UNC13C: variants seen among roughly 807,000 people sequenced by gnomAD.
The protein encoded by UNC13C is unc-13 homolog C.
A neutral mutation model predicts 245.4 loss-of-function variants in UNC13C; 174 were observed. The ratio of observed to expected loss-of-function variants is 0.71; its 90% CI spans 0.63 to 0.80. The LOEUF is 0.80. Among genes scored for constraint, UNC13C ranks in the 30% least tolerant of loss-of-function variants. UNC13C has a pLI of 0.00. For synonymous variants in UNC13C, 992 were observed against 895.1 expected (o/e 1.11, Z -1.93); for missense variants, 2,829 against 2,602.9 (o/e 1.09, Z -1.89).
chr15:54,212,619 C>T (rs1299894425), intron 4 of UNC13C, among the ~76,000 whole-genome samples: 7 of 152,056 alleles, frequency 4.6e-5, no homozygotes, highest in South Asian at 4.1e-4. Flanking sequence ...TATCCCAAAT[C>T]TACATAGTTT....
At chr15:54,226,336 T>C (rs1342199888) in intron 4 of UNC13C, among the ~76,000 whole-genome samples, 1 of 152,166 alleles carries the variant, frequency 6.6e-6, no homozygotes, top group African/African-American at 2.4e-5. Context: ...TAGGGATGAG[T>C]CCATCCTTTT....
At chr15:54,003,664 A>G (rs1895001957) in intron 1 of UNC13C, among the ~76,000 whole-genome samples, 1 of 152,212 alleles carries the variant, frequency 6.6e-6, no homozygotes, top group Non-Finnish European at 1.5e-5. Flanking sequence ...TATCCTTAGT[A>G]TTACAAACAA....
At chr15:54,461,457 C>A (rs1053184323) in intron 19 of UNC13C, among the ~76,000 whole-genome samples, 1 of 152,056 alleles carries the variant, frequency 6.6e-6, no homozygotes, top group Non-Finnish European at 1.5e-5. Flanking sequence ...TTTCTTTTAG[C>A]TTAAATGTCA....
intron 19 of UNC13C, among the ~76,000 whole-genome samples, chr15:54,462,673 G>A (rs1263059348): frequency 2.0e-5 from 3 of 152,226 alleles, no homozygotes. Context: ...TTCTCACCAG[G>A]CCTCAGCCAC....
intron 19 of UNC13C, among the ~76,000 whole-genome samples, chr15:54,459,741 G>A (rs1891734967): frequency 6.6e-6 from 1 of 151,704 alleles, no homozygotes; most frequent in Admixed American, 6.6e-5. Context: ...ATTTCCAGAA[G>A]TTGTGCTCGT....
At chr15:53,857,568 A>G in the UNC13C span, among the ~76,000 whole-genome samples, 54 of 152,300 alleles carry the variant, frequency 3.5e-4, no homozygotes, top group African/African-American at 1.3e-3. Context: ...AGCTTTAGCA[A>G]ATTATTATTG....
intron 16 of UNC13C, 120 bp from the exon 17 acceptor site, chr15:54,338,241 C>A: frequency 2.6e-6 from 3 of 1,150,378 alleles, no homozygotes; most frequent in Non-Finnish European, 3.6e-6. Context: ...GGTAAGATGA[C>A]ACTTACTGAA....
chr15:54,200,320 C>T (rs575594505), intron 4 of UNC13C, among the ~76,000 whole-genome samples: 7 of 152,082 alleles, frequency 4.6e-5, no homozygotes, highest in South Asian at 4.1e-4. Context: ...CTATACCCTA[C>T]AACAAATGGT....
intron 19 of UNC13C, among the ~76,000 whole-genome samples, chr15:54,464,970 T>A (rs1892089663): frequency 6.6e-6 from 1 of 152,060 alleles, no homozygotes. Flanking sequence ...GAAGTTGATT[T>A]GTTATAACAA....
chr15:54,595,769 G>C (rs145176271), intron 30 of UNC13C, among the ~76,000 whole-genome samples: 2 of 152,194 alleles, frequency 1.3e-5, no homozygotes, highest in Non-Finnish European at 2.9e-5. Context: ...AAATAATTCA[G>C]AATTCTTGGA....
rs1164629711 is a variant in UNC13C, at chr15:54,144,117, A to G, written c.3071+433A>G. On this transcript the variant is annotated intron_variant, in intron 4 of 32. Transcript: ENST00000260323. Reference sequence around the variant, plus strand: ...ATACTATTATTTTTCATAGTTGCATAGTATTACACTTAACATAAGTATCAA... The same window carrying G: ...ATACTATTATTTTTCATAGTTGCATGGTATTACACTTAACATAAGTATCAA... Among the ~76,000 whole-genome samples the G allele has an allele frequency of 2.0e-5, 3 of 152,154 alleles. No individual in the cohort carries two copies. The East Asian group carries it at 5.8e-4, about 29-fold the overall frequency.
intron 24 of UNC13C, among the ~76,000 whole-genome samples, chr15:54,514,964 A>G (rs1039440992): frequency 6.6e-6 from 1 of 152,188 alleles, no homozygotes; most frequent in Non-Finnish European, 1.5e-5. Context: ...AAAAAAAGTC[A>G]AAAGAGAAAA....
chr15:54,128,615 C>G (rs1419676596), intron 2 of UNC13C, among the ~76,000 whole-genome samples: 1 of 152,108 alleles, frequency 6.6e-6, no homozygotes, highest in Non-Finnish European at 1.5e-5. Flanking sequence ...ATTAAAATCT[C>G]GTGTTTTAGC....
At chr15:53,984,032 A>G (rs1162311172) in intron 1 of UNC13C, among the ~76,000 whole-genome samples, 1 of 151,798 alleles carries the variant, frequency 6.6e-6, no homozygotes, top group Admixed American at 6.6e-5. Context: ...TGAATCTTCC[A>G]ATTGTTTTAT....
At chr15:54,345,471 A>G (rs908362176) in intron 17 of UNC13C, among the ~76,000 whole-genome samples, 3 of 152,164 alleles carry the variant, frequency 2.0e-5, no homozygotes, top group Non-Finnish European at 2.9e-5. Flanking sequence ...CCCAACCCAT[A>G]AAAACATCTT....
At chr15:54,142,519 A>G (rs2032069955) in intron 2 of UNC13C, among the ~76,000 whole-genome samples, 2 of 152,212 alleles carry the variant, frequency 1.3e-5, no homozygotes, top group South Asian at 2.1e-4. Context: ...CCATAAATAT[A>G]TAAACTCTTA....
chr15:54,339,302 A>G (rs995458809), intron 17 of UNC13C, among the ~76,000 whole-genome samples: 5 of 152,150 alleles, frequency 3.3e-5, no homozygotes, highest in Non-Finnish European at 5.9e-5. Flanking sequence ...TTGGGGAACA[A>G]GTGGCATTTG....
chr15:54,482,200 G>T, intron 19 of UNC13C, among the ~76,000 whole-genome samples: 2 of 152,194 alleles, frequency 1.3e-5, no homozygotes, highest in Middle Eastern at 6.8e-3. Flanking sequence ...TGCAGTCCTC[G>T]GGAAGGACAT....
rs376825252 is a variant in UNC13C, at chr15:54,627,407, C to G, written c.*294C>G. 14 of 220,734 alleles carry G rather than the reference C, an allele frequency of 6.3e-5. No homozygotes were observed. The highest frequency in any genetic ancestry group is 3.2e-4 in the African/African-American group (14 of 44,054). 13.7% of individuals were successfully genotyped at this position (220,734 alleles called of 1,614,324 possible). A position where few individuals can be genotyped will look rare whatever the true frequency, so the allele number is the denominator to read the frequency against. On this transcript the variant is annotated 3_prime_UTR_variant, in exon 33 of 33. Transcript: ENST00000260323. ...ATTCATTAAACATAATTTTTAAAAA[C>G]TAGTCTTTTGAGTTTGCCCATCAGT...
Sources: allele counts gnomAD v4.1 joint callset (sites outside exome capture counted in the v4.1 genomes callset), GRCh38; gene constraint gnomAD v4.1.1; transcripts MANE v1.5; gene names NCBI Gene and HGNC (gene_info 2026-07-23, HGNC 2026-07-21).